CSMD1: variants seen among roughly 807,000 people sequenced by gnomAD.
CSMD1 encodes the protein CUB and Sushi multiple domains 1.
Under a neutral mutation model 417.5 loss-of-function variants are expected in CSMD1, and 213 were observed. The observed-to-expected ratio is 0.51, with a 90% CI of 0.46 to 0.57. The LOEUF (loss-of-function observed/expected upper bound fraction) is 0.57, where lower values mean the gene tolerates loss of function less well. Among genes scored for constraint, CSMD1 ranks in the 20% least tolerant of loss-of-function variants. CSMD1 has a pLI of 0.00. For synonymous variants in CSMD1, 2,862 were observed against 1,736.8 expected (o/e 1.65, Z -16.11); for missense variants, 6,923 against 4,529.7 (o/e 1.53, Z -15.17).
chr8:4,204,689 C>G (rs952898634), intron 3 of CSMD1, among the ~76,000 whole-genome samples: 3 of 152,140 alleles, frequency 2.0e-5, no homozygotes, highest in African/African-American at 4.8e-5. Context: ...CAGTTTCACT[C>G]TGTCACCCAG....
In CSMD1 at chr8:3,301,094, G is replaced by A. The variant is rs149625284; in HGVS notation, c.3950+6601C>T. On this transcript the variant is annotated intron_variant, in intron 25 of 69. Transcript: ENST00000635120. ...TACGTATAAGACATTTGCCATTGAT[G>A]TCTATAGGGGAATAATACATGATTT... is the stretch of plus-strand genomic sequence containing the variant. Among the ~76,000 whole-genome samples, 111 of 151,866 alleles carry A rather than the reference G, an allele frequency of 7.3e-4. 3 individuals are homozygous for A. In the East Asian group the frequency reaches 0.014, roughly 20 times the overall value.
At chr8:3,991,177 C>G (rs936714748) in intron 5 of CSMD1, among the ~76,000 whole-genome samples, 3 of 152,004 alleles carry the variant, frequency 2.0e-5, no homozygotes, top group Admixed American at 6.5e-5. Context: ...CCTAATCCAC[C>G]CAGGTGAAAA....
At chr8:3,234,202 C>A (rs546212693) in intron 26 of CSMD1, among the ~76,000 whole-genome samples, 3 of 152,170 alleles carry the variant, frequency 2.0e-5, no homozygotes. Context: ...CAATCTCTCT[C>A]CATTTCTGCA....
At chr8:3,433,524 T>C (rs1814357750) in intron 12 of CSMD1, among the ~76,000 whole-genome samples, 1 of 152,210 alleles carries the variant, frequency 6.6e-6, no homozygotes, top group African/African-American at 2.4e-5. Flanking sequence ...CTCCTTATTA[T>C]GTAATGACCA....
intron 3 of CSMD1, among the ~76,000 whole-genome samples, chr8:4,075,763 C>T (rs1273912296): frequency 6.6e-6 from 1 of 152,056 alleles, no homozygotes. Context: ...CAGAATTTTT[C>T]CACCCTAGCC....
intron 3 of CSMD1, among the ~76,000 whole-genome samples, chr8:4,270,251 C>A (rs1048679376): frequency 6.6e-6 from 1 of 152,128 alleles, no homozygotes; most frequent in African/African-American, 2.4e-5. Flanking sequence ...ATGTCTCTTA[C>A]AAATAGTTCT....
chr8:4,160,310 C>G (rs369253241), intron 3 of CSMD1, among the ~76,000 whole-genome samples: 1 of 152,014 alleles, frequency 6.6e-6, no homozygotes, highest in African/African-American at 2.4e-5. Flanking sequence ...TCTCCAGCAA[C>G]AAGCATAAAA....
At chr8:4,883,864 G>T (rs1803564176) in intron 1 of CSMD1, among the ~76,000 whole-genome samples, 1 of 152,036 alleles carries the variant, frequency 6.6e-6, no homozygotes, top group Admixed American at 6.5e-5. Context: ...TGAAATTTCT[G>T]GGTCATATGG....
rs959934554 is a variant in CSMD1 at position 4,832,742 on chromosome 8, G to C, written c.85+161590C>G. On this transcript the variant is annotated intron_variant, in intron 1 of 69. Coordinates refer to ENST00000635120, the MANE Select transcript of CSMD1 (RefSeq NM_033225.6). ...TTGTTAAGAAATTAAAGTGGAGAGAGATTACTGATTGGATCAACTCTTAGA... is the reference window on the plus strand; with the variant it reads ...TTGTTAAGAAATTAAAGTGGAGAGACATTACTGATTGGATCAACTCTTAGA... 7.2e-5 allele frequency among the ~76,000 whole-genome samples: 11 copies of C among 152,150 alleles called. No homozygotes were observed. The South Asian group carries it at 1.5e-3, about 20-fold the overall frequency.
chr8:4,404,091 T>C (rs758762667), intron 3 of CSMD1, among the ~76,000 whole-genome samples: 1 of 152,172 alleles, frequency 6.6e-6, no homozygotes, highest in South Asian at 2.1e-4. Context: ...CTTTTACTGC[T>C]TTAGGGAATG....
intron 3 of CSMD1, among the ~76,000 whole-genome samples, chr8:4,293,862 G>C (rs1486869612): frequency 6.6e-6 from 1 of 152,180 alleles, no homozygotes; most frequent in Non-Finnish European, 1.5e-5. Context: ...ACTAGTTTTT[G>C]ACTCAGTGGT....
At chr8:4,960,904 T>C (rs1315617383) in intron 1 of CSMD1, among the ~76,000 whole-genome samples, 1 of 152,214 alleles carries the variant, frequency 6.6e-6, no homozygotes, top group Non-Finnish European at 1.5e-5. Flanking sequence ...GAAATACAAC[T>C]ATTTACAATG....
intron 1 of CSMD1, among the ~76,000 whole-genome samples, chr8:4,853,161 G>C (rs1251609597): frequency 2.6e-5 from 4 of 152,144 alleles, no homozygotes; most frequent in Non-Finnish European, 1.5e-5. Context: ...TTTCTAGAGA[G>C]ATTTGCATGA....
intron 4 of CSMD1, among the ~76,000 whole-genome samples, chr8:3,998,718 T>C (rs1815421489): frequency 6.6e-6 from 1 of 152,066 alleles, no homozygotes; most frequent in African/African-American, 2.4e-5. Context: ...CCAGTAAAGA[T>C]AAAAGTGCAT....
chr8:4,683,624 G>A (rs1019689859), intron 1 of CSMD1, among the ~76,000 whole-genome samples: 19 of 152,166 alleles, frequency 1.2e-4, no homozygotes, highest in Non-Finnish European at 1.8e-4. Flanking sequence ...AGGAAATGAC[G>A]AGGAACCTCG....
intron 3 of CSMD1, among the ~76,000 whole-genome samples, chr8:4,300,739 G>T (rs535123614): frequency 2.0e-5 from 3 of 152,028 alleles, no homozygotes; most frequent in African/African-American, 4.8e-5. Context: ...CTGCGTCCAC[G>T]TGTTCTGGTT....
At chr8:4,040,064 G>A (rs1162682791) in intron 3 of CSMD1, among the ~76,000 whole-genome samples, 1 of 152,112 alleles carries the variant, frequency 6.6e-6, no homozygotes, top group Non-Finnish European at 1.5e-5. Context: ...AAATGTTAGG[G>A]AAATAATACA....
rs774707047 is a variant in CSMD1 at position 3,087,229 on chromosome 8, C to A, written c.7342G>T (p.Ala2448Ser). ...LKNGGILNRT[A>S]GAVGSKVHYF... ...TGCACTTTGCTTCCAACCGCTCCTG[C>A]AGTCCTGTTTAGAATACCCCCATTC... Residue 2448 changes from alanine to serine, a missense_variant, in exon 49 of 70, where the codon GCA becomes TCA. Transcript: ENST00000635120. 6.2e-7 allele frequency: 1 copy of A among 1,613,964 alleles called. No individual in the cohort carries two copies. Among genetic ancestry groups the A allele is most frequent in the Non-Finnish European group, 8.5e-7 (1 of 1,179,848 alleles).
chr8:3,425,433 C>G (rs1025577843), intron 12 of CSMD1, among the ~76,000 whole-genome samples: 1 of 151,686 alleles, frequency 6.6e-6, no homozygotes, highest in Non-Finnish European at 1.5e-5. Flanking sequence ...ACTAAAAATA[C>G]AAAAATTAGC....
Sources: allele counts gnomAD v4.1 joint callset (sites outside exome capture counted in the v4.1 genomes callset), GRCh38; gene constraint gnomAD v4.1.1; transcripts MANE v1.5; gene names NCBI Gene and HGNC (gene_info 2026-07-23, HGNC 2026-07-21).